NALF1: variants seen among roughly 807,000 people sequenced by gnomAD.
NALF1 encodes family with sequence similarity 155 member A.
NALF1 carries 3 observed loss-of-function variants against 48.4 expected under a neutral mutation model. The observed-to-expected ratio is 0.06, with a 90% CI of 0.03 to 0.16. The LOEUF (loss-of-function observed/expected upper bound fraction) is 0.16. Among genes scored for constraint, NALF1 ranks in the 10% least tolerant of loss-of-function variants. The pLI, the probability that NALF1 is intolerant of heterozygous loss-of-function variation, is 1.00. For synonymous variants in NALF1, 262 were observed against 245.7 expected (o/e 1.07, Z -0.62); for missense variants, 526 against 571.5 (o/e 0.92, Z 0.81).
At chr13:107,722,009 G>T (rs1002564973) in intron 1 of NALF1, among the ~76,000 whole-genome samples, 2 of 152,076 alleles carry the variant, frequency 1.3e-5, no homozygotes, top group Non-Finnish European at 2.9e-5. Context: ...AGTTTAAGAC[G>T]ATTATTAACT....
intron 1 of NALF1, among the ~76,000 whole-genome samples, chr13:107,453,906 C>G (rs1157183585): frequency 6.6e-6 from 1 of 152,162 alleles, no homozygotes; most frequent in Non-Finnish European, 1.5e-5. Context: ...CCTAAATCAT[C>G]TTTCTCAAGT....
intron 1 of NALF1, among the ~76,000 whole-genome samples, chr13:107,705,810 C>G (rs569638858): frequency 2.0e-5 from 3 of 152,162 alleles, no homozygotes; most frequent in African/African-American, 7.2e-5. Context: ...CTTTAGTGAA[C>G]AAAGTGTGCA....
chr13:107,578,849 TC>T (rs1439445720), intron 1 of NALF1, among the ~76,000 whole-genome samples: 39 of 152,178 alleles, frequency 2.6e-4, no homozygotes, highest in Admixed American at 2.6e-3. Context: ...GTATTTCATT[TC>T]TTAAGTATGC....
chr13:107,771,482 T>C (rs1011021995), intron 1 of NALF1, among the ~76,000 whole-genome samples: 9 of 114,072 alleles, frequency 7.9e-5, no homozygotes, highest in East Asian at 4.9e-4. Flanking sequence ...TATAAACATA[T>C]ATGATACAAT....
intron 1 of NALF1, among the ~76,000 whole-genome samples, chr13:107,551,366 C>T (rs1254145833): frequency 6.6e-6 from 1 of 152,126 alleles, no homozygotes; most frequent in Non-Finnish European, 1.5e-5. Flanking sequence ...TCTTTATCAT[C>T]ATTATGTGAA....
chr13:107,256,981 A>G (rs1478625601), intron 1 of NALF1, among the ~76,000 whole-genome samples: 1 of 152,212 alleles, frequency 6.6e-6, no homozygotes, highest in African/African-American at 2.4e-5. Context: ...TTTATCAAGA[A>G]AAGAGGTTTA....
intron 1 of NALF1, among the ~76,000 whole-genome samples, chr13:107,439,763 T>C (rs558093652): frequency 2.1e-4 from 32 of 152,328 alleles, no homozygotes; most frequent in African/African-American, 7.5e-4. Flanking sequence ...TCAGCACTTC[T>C]TTGTCTTCTG....
chr13:107,241,870 G>A (rs758580538), intron 1 of NALF1, among the ~76,000 whole-genome samples: 105 of 152,248 alleles, frequency 6.9e-4, no homozygotes, highest in Non-Finnish European at 1.3e-4. Flanking sequence ...AGGGTTGGTG[G>A]AGACAGCAGT....
At chr13:107,350,312 TA>T (rs60624755) in intron 1 of NALF1, among the ~76,000 whole-genome samples, 3,921 of 152,036 alleles carry the variant, frequency 0.026, 90 homozygotes, top group African/African-American at 0.059. Context: ...TGAGTTCCTG[TA>T]AAAAAAATTA....
chr13:107,306,229 AAAC>A (rs921228633), intron 1 of NALF1, among the ~76,000 whole-genome samples: 2 of 152,146 alleles, frequency 1.3e-5, no homozygotes, highest in African/African-American at 4.8e-5. Flanking sequence ...AAAACGACAA[AAAC>A]AACATGATAT....
At chr13:107,728,600 G>C (rs1032056864) in intron 1 of NALF1, among the ~76,000 whole-genome samples, 2 of 151,994 alleles carry the variant, frequency 1.3e-5, no homozygotes, top group African/African-American at 4.8e-5. Flanking sequence ...TTAAAACCTG[G>C]ATGACAGGTT....
chr13:107,603,191 C>G lies in NALF1; in HGVS notation c.915+262491G>C, dbSNP rs922364375. On this transcript the variant is annotated intron_variant, in intron 1 of 2. Coordinates refer to ENST00000375915, the MANE Select transcript of NALF1 (RefSeq NM_001080396.3). ...AATTATTAGTTTTACAATTTAGACA[C>G]TGCTGAAATGTTATTGCAAAAAAAA... 5.3e-5 allele frequency among the ~76,000 whole-genome samples: 8 copies of G among 152,124 alleles called. No individual in the cohort carries two copies. The South Asian group carries it at 8.3e-4, about 16-fold the overall frequency.
intron 1 of NALF1, among the ~76,000 whole-genome samples, chr13:107,861,428 A>C (rs1407629118): frequency 6.6e-6 from 1 of 152,236 alleles, no homozygotes; most frequent in African/African-American, 2.4e-5. Flanking sequence ...AGTCAAGAGC[A>C]AAATATTTTT....
intron 1 of NALF1, among the ~76,000 whole-genome samples, chr13:107,784,975 C>T (rs1878026340): frequency 1.3e-5 from 2 of 152,050 alleles, no homozygotes; most frequent in Non-Finnish European, 2.9e-5. Context: ...GCACAATTCA[C>T]AATTGCAAAA....
chr13:107,321,571 A>G (rs1046885448), intron 1 of NALF1, among the ~76,000 whole-genome samples: 1 of 152,140 alleles, frequency 6.6e-6, no homozygotes, highest in Non-Finnish European at 1.5e-5. Flanking sequence ...ACGAAAAGGC[A>G]GCCTATTTTC....
intron 1 of NALF1, among the ~76,000 whole-genome samples, chr13:107,390,811 G>T (rs565388642): frequency 9.9e-5 from 15 of 151,322 alleles, no homozygotes; most frequent in Non-Finnish European, 2.1e-4. Flanking sequence ...GATACAATAG[G>T]GTATTTGTAA....
intron 1 of NALF1, among the ~76,000 whole-genome samples, chr13:107,853,158 ATAT>A (rs753055823): frequency 3.3e-5 from 5 of 152,176 alleles, no homozygotes; most frequent in Admixed American, 6.5e-5. Flanking sequence ...TATTGTTTTA[ATAT>A]TATTAATGTT....
At chr13:107,837,369 T>C (rs4387466) in intron 1 of NALF1, among the ~76,000 whole-genome samples, 22,472 of 152,228 alleles carry the variant, frequency 0.15, 2,433 homozygotes, top group African/African-American at 0.3. Context: ...CCAGAGCCTA[T>C]TGAACCATAG....
intron 1 of NALF1, among the ~76,000 whole-genome samples, chr13:107,271,872 T>G (rs1015741623): frequency 6.8e-6 from 1 of 147,964 alleles, no homozygotes; most frequent in African/African-American, 2.5e-5. Context: ...CTAAGCTTCA[T>G]GGCAAACTAT....
Sources: allele counts gnomAD v4.1 joint callset (sites outside exome capture counted in the v4.1 genomes callset), GRCh38; gene constraint gnomAD v4.1.1; transcripts MANE v1.5; gene names NCBI Gene and HGNC (gene_info 2026-07-23, HGNC 2026-07-21).